Variants in KANK1 observed in about 807,000 individuals in gnomAD.
KANK1 encodes the protein KN motif and ankyrin repeat domains 1.
KANK1 carries 109 observed loss-of-function variants against 106.2 expected under a neutral mutation model. The ratio of observed to expected loss-of-function variants is 1.03; its 90% CI spans 0.88 to 1.20. The LOEUF (loss-of-function observed/expected upper bound fraction) is 1.20, where lower values mean the gene tolerates loss of function less well. Ranked by LOEUF, KANK1 falls within the 50% of genes most tolerant of loss-of-function variation. The pLI is 0.00. For synonymous variants in KANK1, 873 were observed against 652.2 expected, an observed-to-expected ratio of 1.34 and a Z score of -5.16; for missense variants, 2,399 against 1,710.7, an observed-to-expected ratio of 1.40 and a Z score of -7.10.
chr9:721,407 C>T (rs1476053431), intron 3 of KANK1, among the ~76,000 whole-genome samples: 1 of 151,994 alleles, frequency 6.6e-6, no homozygotes, highest in African/African-American at 2.4e-5. Flanking sequence ...TCAGCAAAGT[C>T]AATGTAAAAG....
chr9:703,645 T>G (rs1356549726), intron 2 of KANK1, among the ~76,000 whole-genome samples: 1 of 152,102 alleles, frequency 6.6e-6, no homozygotes, highest in East Asian at 1.9e-4. Context: ...AAAGCAGGCA[T>G]AGTTCTGTTA....
Position 602,962 on chromosome 9 carries a change from T to G in KANK1, c.-83-73928T>G, listed in dbSNP as rs3824423. ...CACATTCCACGTGTGGCTGATGGGG[T>G]TATCATAGTTACAAATCATATTTAT... On this transcript the variant is annotated intron_variant, in intron 1 of 11. Transcript: ENST00000382297. Among the ~76,000 whole-genome samples the G allele has an allele frequency of 6.4e-3, 968 of 151,856 alleles. 46 individuals carry two copies. Among genetic ancestry groups the G allele is most frequent in the Admixed American group, 0.058 (888 of 15,270 alleles).
At chr9:622,432 T>C (rs946851638) in intron 1 of KANK1, among the ~76,000 whole-genome samples, 16 of 152,124 alleles carry the variant, frequency 1.1e-4, no homozygotes, top group African/African-American at 3.9e-4. Flanking sequence ...CAGATGGATC[T>C]AGTACGTACC....
intron 1 of KANK1, among the ~76,000 whole-genome samples, chr9:671,451 C>G (rs544609951): frequency 4.5e-4 from 67 of 148,298 alleles, no homozygotes; most frequent in African/African-American, 1.6e-3. Context: ...CAAGACCATC[C>G]TGGCTAACAC....
At chr9:582,420 C>T (rs560985418) in intron 1 of KANK1, among the ~76,000 whole-genome samples, 7 of 152,196 alleles carry the variant, frequency 4.6e-5, no homozygotes, top group Admixed American at 2.0e-4. Context: ...TTCCTTTTCC[C>T]TTTTCTGGCA....
At chr9:518,520 C>G (rs1313883724) in intron 1 of KANK1, among the ~76,000 whole-genome samples, 1 of 151,600 alleles carries the variant, frequency 6.6e-6, no homozygotes, top group Non-Finnish European at 1.5e-5. Context: ...GTTCTAGAAT[C>G]GAAACTCTAC....
chr9:729,471 A>G (rs1320037202), intron 3 of KANK1, among the ~76,000 whole-genome samples: 2 of 152,248 alleles, frequency 1.3e-5, no homozygotes, highest in Non-Finnish European at 2.9e-5. Context: ...AAGCTGAGGC[A>G]TGCTGCCAGG....
intron 1 of KANK1, among the ~76,000 whole-genome samples, chr9:559,144 T>A (rs758463653): frequency 1.3e-5 from 2 of 152,140 alleles, no homozygotes; most frequent in Non-Finnish European, 2.9e-5. Flanking sequence ...AGGCATTGAG[T>A]GTTTTTCCCA....
intron 3 of KANK1, among the ~76,000 whole-genome samples, chr9:729,059 T>C (rs185349964): frequency 6.6e-6 from 1 of 152,348 alleles, no homozygotes; most frequent in East Asian, 1.9e-4. Context: ...TGGCTCAGAG[T>C]AAACCTCTTT....
intron 1 of KANK1, among the ~76,000 whole-genome samples, chr9:658,811 A>G (rs997420596): frequency 2.0e-5 from 3 of 151,968 alleles, no homozygotes; most frequent in Non-Finnish European, 2.9e-5. Context: ...GTGTGGGTCT[A>G]TTTCTGGGCT....
intron 1 of KANK1, among the ~76,000 whole-genome samples, chr9:671,520 G>A (rs1262523242): frequency 7.5e-4 from 6 of 7,984 alleles, no homozygotes; most frequent in African/African-American, 4.6e-3. Context: ...GGAGGCTGAG[G>A]CAGGAGAATG....
intron 1 of KANK1, among the ~76,000 whole-genome samples, chr9:629,099 A>G (rs1457729899): frequency 6.6e-6 from 1 of 150,518 alleles, no homozygotes; most frequent in Non-Finnish European, 1.5e-5. Flanking sequence ...AAAAAATCCC[A>G]TCTTGCATGC....
chr9:617,776 T>A (rs2136300390), intron 1 of KANK1, among the ~76,000 whole-genome samples: 1 of 152,356 alleles, frequency 6.6e-6, no homozygotes. Context: ...TGTGCACACT[T>A]CAGATTGCTT....
chr9:509,369 T>G lies in KANK1; in HGVS notation c.-84+4615T>G, dbSNP rs541321940. Among the ~76,000 whole-genome samples, 20 of 152,352 alleles carry G rather than the reference T, an allele frequency of 1.3e-4. No homozygotes were observed. In the South Asian group the frequency reaches 3.7e-3, roughly 28 times the overall value. On this transcript the variant is annotated intron_variant, in intron 1 of 11. Coordinates refer to ENST00000382297, the MANE Select transcript of KANK1 (RefSeq NM_015158.5). ...CCTCGGCCTCCCAAAGTGCTGTGAT[T>G]ACAGGCGTGAGCCACTGGCCCAATA...
intron 1 of KANK1, among the ~76,000 whole-genome samples, chr9:547,850 G>GT (rs1171911001): frequency 6.6e-6 from 1 of 152,222 alleles, no homozygotes; most frequent in African/African-American, 2.4e-5. Flanking sequence ...ACAAAAAGTG[G>GT]TAAGTTTTAG....
intron 1 of KANK1, among the ~76,000 whole-genome samples, chr9:669,064 A>C (rs2138494849): frequency 6.6e-6 from 1 of 152,220 alleles, no homozygotes; most frequent in Non-Finnish European, 1.5e-5. Flanking sequence ...AGAATAAATA[A>C]AAAACTTTAA....
intron 1 of KANK1, among the ~76,000 whole-genome samples, chr9:651,103 G>A (rs1840786649): frequency 2.0e-5 from 3 of 152,130 alleles, no homozygotes; most frequent in Admixed American, 2.0e-4. Context: ...GAGGAATTTG[G>A]AATCGGGACA....
At chr9:546,939 A>G (rs1351116573) in intron 1 of KANK1, among the ~76,000 whole-genome samples, 1 of 152,192 alleles carries the variant, frequency 6.6e-6, no homozygotes, top group Admixed American at 6.5e-5. Flanking sequence ...TTTGGGAAGG[A>G]AAGAGTACAA....
intron 1 of KANK1, among the ~76,000 whole-genome samples, chr9:541,403 C>T (rs183201296): frequency 1.6e-4 from 25 of 152,228 alleles, no homozygotes; most frequent in African/African-American, 3.4e-4. Flanking sequence ...CTTTCTCACA[C>T]CATATACAAA....
Sources: gnomAD v4.1 joint callset for allele counts (sites outside exome capture counted in the v4.1 genomes callset) on GRCh38, gnomAD v4.1.1 for gene constraint, MANE v1.5 for transcripts, NCBI Gene and HGNC (gene_info 2026-07-23, HGNC 2026-07-21) for gene names.